HCN1: variants seen among roughly 807,000 people sequenced by gnomAD.
HCN1 encodes potassium/sodium hyperpolarization-activated cyclic nucleotide-gated channel 1.
HCN1 carries 13 observed loss-of-function variants against 78.9 expected under a neutral mutation model. The ratio of observed to expected loss-of-function variants is 0.16; its 90% CI spans 0.11 to 0.26. The LOEUF is 0.26. Ranked by LOEUF, HCN1 falls within the 10% of genes least tolerant of loss-of-function variation. The pLI, the probability that HCN1 is intolerant of heterozygous loss-of-function variation, is 1.00. For missense variants in HCN1, 810 were observed against 1,154.3 expected (o/e 0.70, Z 4.32); for synonymous variants, 552 against 455.5 (o/e 1.21, Z -2.70).
chr5:45,402,013 C>T (rs960314331), intron 3 of HCN1, among the ~76,000 whole-genome samples: 2 of 151,948 alleles, frequency 1.3e-5, no homozygotes, highest in African/African-American at 2.4e-5. Flanking sequence ...ATCTAAAACA[C>T]GAAGTTTGAT....
At chr5:45,372,280 TA>T (rs1295264641) in intron 4 of HCN1, among the ~76,000 whole-genome samples, 19 of 85,324 alleles carry the variant, frequency 2.2e-4, no homozygotes, top group African/African-American at 2.3e-4. Flanking sequence ...TTTATATATA[TA>T]ATATATATTT....
At chr5:45,287,939 C>T (rs995744699) in intron 6 of HCN1, among the ~76,000 whole-genome samples, 1 of 152,100 alleles carries the variant, frequency 6.6e-6, no homozygotes, top group African/African-American at 2.4e-5. Context: ...GTGCCAGGTA[C>T]TGCTCTAAGT....
At chr5:45,491,479 A>T (rs1741885404) in intron 2 of HCN1, among the ~76,000 whole-genome samples, 2 of 152,146 alleles carry the variant, frequency 1.3e-5, no homozygotes, top group East Asian at 3.9e-4. Context: ...GCGCTCAAGT[A>T]TTCACACTGT....
chr5:45,594,640 A>G (rs781247748), intron 2 of HCN1, among the ~76,000 whole-genome samples: 1 of 152,210 alleles, frequency 6.6e-6, no homozygotes, highest in Non-Finnish European at 1.5e-5. Context: ...AAAATTCATT[A>G]AAAATAGATA....
At chr5:45,674,416 T>C (rs71618206) in intron 1 of HCN1, among the ~76,000 whole-genome samples, 2 of 151,810 alleles carry the variant, frequency 1.3e-5, no homozygotes, top group African/African-American at 4.8e-5. Flanking sequence ...ATTGATCTTA[T>C]ACAGATCTTC....
intron 2 of HCN1, among the ~76,000 whole-genome samples, chr5:45,472,069 G>T (rs1404760107): frequency 1.3e-5 from 2 of 151,852 alleles, no homozygotes; most frequent in Admixed American, 1.3e-4. Flanking sequence ...TTGTGATGTG[G>T]TCTCTGTACT....
chr5:45,608,215 ATAAG>A (rs1174693946), intron 2 of HCN1, among the ~76,000 whole-genome samples: 5 of 152,050 alleles, frequency 3.3e-5, no homozygotes, highest in Non-Finnish European at 7.4e-5. Flanking sequence ...AAAAATGATA[ATAAG>A]TAATACCTAA....
intron 2 of HCN1, among the ~76,000 whole-genome samples, chr5:45,586,823 C>T (rs1215873512): frequency 1.3e-5 from 2 of 152,006 alleles, no homozygotes; most frequent in Non-Finnish European, 2.9e-5. Context: ...TTCGTGATTC[C>T]CCAAGTTTAT....
Position 45,382,917 on chromosome 5 carries a change from A to C in HCN1, c.1230+13575T>G, listed in dbSNP as rs1028412666. ...TGTTAGGAAAGGAAAATTTGGAAAA[A>C]TATAACTACTACACTACAGTAGAGA... On this transcript the variant is annotated intron_variant, in intron 4 of 7. Coordinates refer to ENST00000303230, the MANE Select transcript of HCN1 (RefSeq NM_021072.4). Among the ~76,000 whole-genome samples, 36 of 152,200 alleles carry C rather than the reference A, an allele frequency of 2.4e-4. 1 individual carries two copies. Among genetic ancestry groups the C allele is most frequent in the Admixed American group, 2.1e-3 (32 of 15,280 alleles).
chr5:45,668,436 C>T (rs569230160), intron 1 of HCN1, among the ~76,000 whole-genome samples: 1 of 151,898 alleles, frequency 6.6e-6, no homozygotes, highest in Non-Finnish European at 1.5e-5. Flanking sequence ...TTCCTCTTCA[C>T]CTTCCGCCAT....
At chr5:45,643,545 T>C (rs1276403560) in intron 2 of HCN1, 2 of 152,160 alleles carry the variant, frequency 1.3e-5, no homozygotes, top group Admixed American at 6.6e-5. Flanking sequence ...TAAAACATTA[T>C]ATATCATAGT....
intron 3 of HCN1, among the ~76,000 whole-genome samples, chr5:45,445,765 C>A (rs1353913839): frequency 1.3e-5 from 2 of 152,148 alleles, no homozygotes; most frequent in African/African-American, 2.4e-5. Flanking sequence ...GCTGCTGATA[C>A]CCAGGCAAAC....
At chr5:45,313,056 A>G (rs903446305) in intron 5 of HCN1, among the ~76,000 whole-genome samples, 1 of 152,188 alleles carries the variant, frequency 6.6e-6, no homozygotes, top group African/African-American at 2.4e-5. Flanking sequence ...CTGAGAACAG[A>G]CAGACTGCCT....
chr5:45,562,629 A>T (rs1220739351), intron 2 of HCN1, among the ~76,000 whole-genome samples: 1 of 152,226 alleles, frequency 6.6e-6, no homozygotes, highest in Non-Finnish European at 1.5e-5. Context: ...TAAAAATAAC[A>T]GGCACAAAGG....
intron 2 of HCN1, among the ~76,000 whole-genome samples, chr5:45,521,312 T>C (rs1742609041): frequency 6.6e-6 from 1 of 151,946 alleles, no homozygotes; most frequent in African/African-American, 2.4e-5. Context: ...AGAGAAAGTG[T>C]ATTAGTTTCC....
intron 2 of HCN1, among the ~76,000 whole-genome samples, chr5:45,600,019 A>G (rs904443416): frequency 6.6e-6 from 1 of 152,132 alleles, no homozygotes; most frequent in Non-Finnish European, 1.5e-5. Flanking sequence ...TGGTTTCAGC[A>G]GGCTAAAGAC....
At chr5:45,275,889 C>T (rs1745047800) in intron 6 of HCN1, among the ~76,000 whole-genome samples, 1 of 152,128 alleles carries the variant, frequency 6.6e-6, no homozygotes, top group Admixed American at 6.6e-5. Context: ...TTGTCCCTTT[C>T]AATCTTTAAA....
At chr5:45,283,006 G>A (rs1745198147) in intron 6 of HCN1, among the ~76,000 whole-genome samples, 1 of 152,090 alleles carries the variant, frequency 6.6e-6, no homozygotes. Flanking sequence ...TTACAAACTT[G>A]TACTGCATCC....
chr5:45,422,998 T>C (rs1179864276), intron 3 of HCN1, among the ~76,000 whole-genome samples: 1 of 152,092 alleles, frequency 6.6e-6, no homozygotes, highest in African/African-American at 2.4e-5. Flanking sequence ...CAGTCAATAA[T>C]CATTTATTAT....
Sources: gnomAD v4.1 joint callset for allele counts (sites outside exome capture counted in the v4.1 genomes callset) on GRCh38, gnomAD v4.1.1 for gene constraint, MANE v1.5 for transcripts, NCBI Gene and HGNC (gene_info 2026-07-23, HGNC 2026-07-21) for gene names.